The following PTPRD variants were observed in gnomAD, a reference collection of about 807,000 sequenced individuals.
PTPRD encodes receptor-type tyrosine-protein phosphatase delta.
A neutral mutation model predicts 214.5 loss-of-function variants in PTPRD; 34 were observed. The ratio of observed to expected loss-of-function variants is 0.16; its 90% CI spans 0.12 to 0.21. The LOEUF (loss-of-function observed/expected upper bound fraction) is 0.21. PTPRD is among the 10% of genes least tolerant of loss of function. PTPRD has a pLI of 1.00. For missense variants in PTPRD, 2,545 were observed against 2,398.7 expected, an observed-to-expected ratio of 1.06 and a Z score of -1.27; for synonymous variants, 1,128 against 845.7, an observed-to-expected ratio of 1.33 and a Z score of -5.79.
chr9:9,280,191 A>C (rs1370601002), intron 9 of PTPRD, among the ~76,000 whole-genome samples: 2 of 151,276 alleles, frequency 1.3e-5, no homozygotes, highest in Non-Finnish European at 3.0e-5. Flanking sequence ...CTACATGAAT[A>C]AGGCTGAGAC....
At chr9:9,195,748 T>G (rs2099938207) in intron 9 of PTPRD, among the ~76,000 whole-genome samples, 2 of 150,422 alleles carry the variant, frequency 1.3e-5, no homozygotes. Context: ...CAAAGACAAT[T>G]TTAGGAAGTA....
At chr9:8,962,291 T>G (rs1588941479) in intron 11 of PTPRD, 2 of 152,220 alleles carry the variant, frequency 1.3e-5, no homozygotes, top group East Asian at 3.9e-4. Flanking sequence ...TTTGATGAGG[T>G]GGTCAGTCTA....
At chr9:9,172,042 G>A (rs1434579101) in intron 10 of PTPRD, among the ~76,000 whole-genome samples, 2 of 152,088 alleles carry the variant, frequency 1.3e-5, no homozygotes, top group Non-Finnish European at 2.9e-5. Context: ...GTAACTCACA[G>A]TATAAATGGT....
At chr9:8,907,870 A>G (rs1429556829) in intron 11 of PTPRD, among the ~76,000 whole-genome samples, 1 of 152,132 alleles carries the variant, frequency 6.6e-6, no homozygotes, top group African/African-American at 2.4e-5. Flanking sequence ...AAAATACATA[A>G]AAGGAGCAGA....
chr9:8,689,134 A>G (rs2097754411), intron 12 of PTPRD, among the ~76,000 whole-genome samples: 1 of 152,218 alleles, frequency 6.6e-6, no homozygotes, highest in African/African-American at 2.4e-5. Context: ...GACTCTGAGA[A>G]TCATCCTTAC....
At chr9:10,143,368 A>T (rs1358923314) in intron 3 of PTPRD, among the ~76,000 whole-genome samples, 1 of 152,198 alleles carries the variant, frequency 6.6e-6, no homozygotes. Flanking sequence ...ATATCATCTT[A>T]CACCAGTTAG....
intron 10 of PTPRD, among the ~76,000 whole-genome samples, chr9:9,079,220 C>T (rs1213250194): frequency 6.6e-6 from 1 of 151,990 alleles, no homozygotes; most frequent in African/African-American, 2.4e-5. Flanking sequence ...CCCACCCTTC[C>T]CAGCCTCTAA....
intron 30 of PTPRD, among the ~76,000 whole-genome samples, chr9:8,473,269 T>C (rs1216651307): frequency 6.6e-6 from 1 of 152,232 alleles, no homozygotes. Context: ...CAAACAATCA[T>C]AATGATCAAG....
At chr9:10,308,101 T>C (rs2096143810) in intron 3 of PTPRD, among the ~76,000 whole-genome samples, 1 of 152,018 alleles carries the variant, frequency 6.6e-6, no homozygotes, top group African/African-American at 2.4e-5. Context: ...TTGTTTATAT[T>C]GCCTGTACTT....
intron 5 of PTPRD, among the ~76,000 whole-genome samples, chr9:9,929,685 C>T (rs538297429): frequency 6.6e-6 from 1 of 152,242 alleles, no homozygotes; most frequent in South Asian, 2.1e-4. Context: ...AGCCACAGCG[C>T]CTGGCCAAGA....
chr9:9,175,405 G>A (rs1305595663), intron 10 of PTPRD, among the ~76,000 whole-genome samples: 5 of 151,800 alleles, frequency 3.3e-5, no homozygotes, highest in South Asian at 2.1e-4. Context: ...GGTGGATCAC[G>A]AGGTCAGGAG....
chr9:9,020,225 T>TA, intron 10 of PTPRD, among the ~76,000 whole-genome samples: 1 of 152,278 alleles, frequency 6.6e-6, no homozygotes, highest in African/African-American at 2.4e-5. Context: ...AATAAAGCTC[T>TA]AAAAAAGTGG....
chr9:8,404,612 C>G lies in PTPRD; in HGVS notation c.4135G>C (p.Val1379Leu). 1 of 1,613,386 alleles carries G rather than the reference C, an allele frequency of 6.2e-7. No individual in the cohort carries two copies. Among genetic ancestry groups the G allele is most frequent in the South Asian group, 1.1e-5 (1 of 91,038 alleles). Reference protein sequence around the residue: ...QFTWEHSNLEVNKPKNRYANV... With the variant: ...QFTWEHSNLELNKPKNRYANV... ...GCGTATCTATTCTTTGGTTTGTTTA[C>G]TTCCAAGTTTGAATGTTCCCAAGTG... Residue 1379 changes from valine (V) to leucine (L), a missense_variant, in exon 36 of 46, where the codon GTA (valine) becomes CTA (leucine). Physicochemically the swap from Val to Leu is conservative, Grantham distance 32. Transcript: ENST00000381196.
At chr9:10,158,492 T>C (rs1047182501) in intron 3 of PTPRD, among the ~76,000 whole-genome samples, 12 of 152,186 alleles carry the variant, frequency 7.9e-5, no homozygotes, top group Admixed American at 7.2e-4. Flanking sequence ...ATTTCTGTTC[T>C]AGTACCAAAA....
chr9:10,595,779 G>C (rs1442253454), intron 2 of PTPRD, among the ~76,000 whole-genome samples: 1 of 151,606 alleles, frequency 6.6e-6, no homozygotes, highest in East Asian at 1.9e-4. Context: ...CTTTACTAGT[G>C]GGGGGAAAGA....
chr9:9,403,706 G>A (rs1208200063), intron 8 of PTPRD, among the ~76,000 whole-genome samples: 1 of 151,956 alleles, frequency 6.6e-6, no homozygotes, highest in Non-Finnish European at 1.5e-5. Flanking sequence ...AATTTTAAAT[G>A]TTTGTTTATA....
chr9:10,119,397 T>C (rs1472908352), intron 3 of PTPRD, among the ~76,000 whole-genome samples: 2 of 152,040 alleles, frequency 1.3e-5, no homozygotes, highest in Non-Finnish European at 2.9e-5. Context: ...TGAGAATCTT[T>C]TAAAAGGATA....
At chr9:9,798,837 G>A (rs1291992607) in intron 5 of PTPRD, among the ~76,000 whole-genome samples, 1 of 152,162 alleles carries the variant, frequency 6.6e-6, no homozygotes, top group Non-Finnish European at 1.5e-5. Context: ...GATATAATCA[G>A]AGATTAGAAA....
At chr9:8,957,528 C>G (rs1398228664) in intron 11 of PTPRD, among the ~76,000 whole-genome samples, 1 of 151,734 alleles carries the variant, frequency 6.6e-6, no homozygotes, top group African/African-American at 2.4e-5. Flanking sequence ...ATGCAAGCAC[C>G]CTCTCATCAA....
Sources: gnomAD v4.1 joint callset for allele counts (sites outside exome capture counted in the v4.1 genomes callset) on GRCh38, gnomAD v4.1.1 for gene constraint, MANE v1.5 for transcripts, NCBI Gene and HGNC (gene_info 2026-07-23, HGNC 2026-07-21) for gene names.